Variants in MDFIC observed in about 807,000 individuals in gnomAD.
The protein encoded by MDFIC is myoD family inhibitor domain-containing protein.
MDFIC carries 17 observed loss-of-function variants against 23.2 expected under a neutral mutation model. The ratio of observed to expected loss-of-function variants is 0.73; its 90% confidence interval spans 0.50 to 1.10. MDFIC has a LOEUF of 1.10. MDFIC is among the 50% of genes least tolerant of loss of function. The pLI is 0.00. For synonymous variants in MDFIC, 120 were observed against 115.2 expected (o/e 1.04, Z -0.27); for missense variants, 356 against 316.6 (o/e 1.12, Z -0.95).
At chr7:114,943,947 AAC>A (rs1408709370) in intron 3 of MDFIC, among the ~76,000 whole-genome samples, 1 of 152,202 alleles carries the variant, frequency 6.6e-6, no homozygotes, top group African/African-American at 2.4e-5. Flanking sequence ...AAAAAAGACA[AAC>A]ACTATTAAAT....
At chr7:114,923,194 G>A in intron 2 of MDFIC, 67 bp downstream of exon 2, 1 of 1,515,876 alleles carries the variant, frequency 6.6e-7, no homozygotes, top group Non-Finnish European at 8.8e-7. Flanking sequence ...GCTCACAAGT[G>A]CACAGATAGG....
Position 114,993,476 on chromosome 7 carries a change from T to A in MDFIC, c.493+13695T>A, listed in dbSNP as rs1585117220. 2.0e-5 allele frequency among the ~76,000 whole-genome samples: 3 copies of A among 152,368 alleles called. 1 individual carries two copies. The South Asian group carries it at 6.2e-4, about 32-fold the overall frequency. On this transcript the variant is annotated intron_variant, in intron 4 of 4. Coordinates refer to ENST00000393486, the MANE Select transcript of MDFIC (RefSeq NM_001166345.3). The stretch of plus-strand genomic sequence containing the variant: ...CAATTTAAATCTTTCCTGCTTTCTC[T>A]TGTGGGCATTTAGTGTTATAAATTT...
At chr7:114,977,433 A>T (rs1161740788) in intron 3 of MDFIC, among the ~76,000 whole-genome samples, 2 of 151,986 alleles carry the variant, frequency 1.3e-5, no homozygotes, top group Non-Finnish European at 2.9e-5. Flanking sequence ...GGACACCATA[A>T]GTTGTCCCTC....
chr7:114,996,099 T>G (rs1791321319), intron 4 of MDFIC, among the ~76,000 whole-genome samples: 1 of 152,194 alleles, frequency 6.6e-6, no homozygotes, highest in Non-Finnish European at 1.5e-5. Context: ...GTAGGAAAAC[T>G]GCATCAGGCT....
chr7:114,992,533 G>A (rs10249567), intron 4 of MDFIC, among the ~76,000 whole-genome samples: 6 of 152,132 alleles, frequency 3.9e-5, no homozygotes, highest in South Asian at 2.1e-4. Flanking sequence ...CAGCAATACC[G>A]AATTTATTGA....
chr7:114,947,273 A>G (rs887461845), intron 3 of MDFIC, among the ~76,000 whole-genome samples: 9 of 152,158 alleles, frequency 5.9e-5, no homozygotes, highest in Non-Finnish European at 1.3e-4. Flanking sequence ...GGAAGCAAAT[A>G]ATTCTGACTT....
At chr7:114,931,736 G>A (rs758643083) in intron 2 of MDFIC, among the ~76,000 whole-genome samples, 3 of 152,176 alleles carry the variant, frequency 2.0e-5, no homozygotes, top group Admixed American at 1.3e-4. Context: ...TCAGGATGGC[G>A]AGAAGGAATC....
At chr7:114,985,077 C>T (rs1181573146) in intron 4 of MDFIC, among the ~76,000 whole-genome samples, 1 of 152,146 alleles carries the variant, frequency 6.6e-6, no homozygotes, top group Non-Finnish European at 1.5e-5. Flanking sequence ...AGAGCACAGA[C>T]TCTGAAACTA....
intron 3 of MDFIC, among the ~76,000 whole-genome samples, chr7:114,946,333 A>G (rs1238915083): frequency 6.6e-6 from 1 of 152,204 alleles, no homozygotes; most frequent in Middle Eastern, 3.4e-3. Context: ...ATTATTTCCT[A>G]TAGAGAGCTT....
intron 4 of MDFIC, among the ~76,000 whole-genome samples, chr7:115,011,467 A>T (rs1161840725): frequency 6.6e-6 from 1 of 152,242 alleles, no homozygotes; most frequent in Non-Finnish European, 1.5e-5. Context: ...CTCCCATTCT[A>T]GTAAAGCAAC....
intron 4 of MDFIC, among the ~76,000 whole-genome samples, chr7:114,995,773 G>A (rs1791312501): frequency 6.6e-6 from 1 of 152,216 alleles, no homozygotes; most frequent in African/African-American, 2.4e-5. Flanking sequence ...GTGCCTCCCA[G>A]TTAGGCTACT....
chr7:114,923,771 A>G, intron 2 of MDFIC: 1 of 764,644 alleles, frequency 1.3e-6, no homozygotes, highest in Non-Finnish European at 1.8e-6. Flanking sequence ...AACGAGTTGA[A>G]CCTTTCTTCT....
At position 114,997,590 on chromosome 7, in the gene MDFIC, A is replaced by C. The variant is rs1174824651; in HGVS notation, c.493+17809A>C. Among the ~76,000 whole-genome samples, 10 of 151,676 alleles carry C rather than the reference A, an allele frequency of 6.6e-5. No individual in the cohort carries two copies. The South Asian group carries it at 2.1e-3, about 32-fold the overall frequency. ...CATCTCTACAGGAAAAAAAAAAAAAAAAATTAACCAGGCGTGGTGCTGCGT... is the reference window on the plus strand; with the variant it reads ...CATCTCTACAGGAAAAAAAAAAAAACAAATTAACCAGGCGTGGTGCTGCGT... On this transcript the variant is annotated intron_variant, in intron 4 of 4. Coordinates refer to ENST00000393486, the MANE Select transcript of MDFIC (RefSeq NM_001166345.3).
At chr7:114,990,537 C>G (rs1793589158) in intron 4 of MDFIC, among the ~76,000 whole-genome samples, 1 of 152,168 alleles carries the variant, frequency 6.6e-6, no homozygotes, top group Non-Finnish European at 1.5e-5. Flanking sequence ...TGTGATGTTT[C>G]CCTTCCTGTG....
chr7:114,992,190 A>C (rs1183525519), intron 4 of MDFIC, among the ~76,000 whole-genome samples: 2 of 152,170 alleles, frequency 1.3e-5, no homozygotes. Context: ...TGATTTTTGC[A>C]CATTGATTTT....
At chr7:114,989,334 A>T (rs1179044339) in intron 4 of MDFIC, among the ~76,000 whole-genome samples, 1 of 152,188 alleles carries the variant, frequency 6.6e-6, no homozygotes, top group African/African-American at 2.4e-5. Context: ...AGTTGTTTTC[A>T]TGGAGAAGCC....
chr7:114,981,043 G>A (rs1326618976), intron 4 of MDFIC, among the ~76,000 whole-genome samples: 1 of 152,176 alleles, frequency 6.6e-6, no homozygotes. Flanking sequence ...TGACATGTAA[G>A]CTGCATGGTC....
chr7:114,940,709 G>A (rs1428350689), intron 2 of MDFIC, among the ~76,000 whole-genome samples: 1 of 152,142 alleles, frequency 6.6e-6, no homozygotes, highest in Non-Finnish European at 1.5e-5. Context: ...GAAGGCCTGG[G>A]CAGCATTTCA....
chr7:114,968,053 G>C (rs1793138138), intron 3 of MDFIC, among the ~76,000 whole-genome samples: 1 of 152,114 alleles, frequency 6.6e-6, no homozygotes. Flanking sequence ...GTGGGCTCAA[G>C]GGATCCTCCT....
Sources: gnomAD v4.1 joint callset for allele counts (sites outside exome capture counted in the v4.1 genomes callset) on GRCh38, gnomAD v4.1.1 for gene constraint, MANE v1.5 for transcripts, NCBI Gene and HGNC (gene_info 2026-07-23, HGNC 2026-07-21) for gene names.